NAALADL2: variants seen among roughly 807,000 people sequenced by gnomAD.
NAALADL2 encodes N-acetylated alpha-linked acidic dipeptidase like 2.
In NAALADL2, 76 loss-of-function variants were observed where a neutral mutation model predicts 87.2. That is an observed-to-expected ratio of 0.87 (90% confidence interval 0.72 to 1.05). The LOEUF is 1.05. Among genes scored for constraint, NAALADL2 ranks in the 50% least tolerant of loss-of-function variants. The pLI is 0.00. For missense variants in NAALADL2, 1,089 were observed against 945.8 expected, an observed-to-expected ratio of 1.15 and a Z score of -1.99; for synonymous variants, 354 against 331.0, an observed-to-expected ratio of 1.07 and a Z score of -0.75.
rs1357387495 is a variant in NAALADL2 at position 175,730,431 on chromosome 3, T to G, written c.1897-6875T>G. Among the ~76,000 whole-genome samples, 13 of 85,624 alleles carry G rather than the reference T, an allele frequency of 1.5e-4. No homozygotes were observed. The South Asian group carries it at 2.8e-3, about 19-fold the overall frequency. 56.2% of individuals were successfully genotyped at this position (85,624 alleles called of 152,430 possible). A position where few individuals can be genotyped will look rare whatever the true frequency, so the allele number is the denominator to read the frequency against. On this transcript the variant is annotated intron_variant, in intron 11 of 13. Transcript: ENST00000454872. ...ATATATATATATATATATATATATA[T>G]ATATATATATATACACACATACACA...
At chr3:174,653,076 A>G (rs951884588) in intron 2 of NAALADL2, among the ~76,000 whole-genome samples, 2 of 152,218 alleles carry the variant, frequency 1.3e-5, no homozygotes, top group Admixed American at 6.5e-5. Flanking sequence ...ATGTGGACCA[A>G]CTAGAACTCT....
chr3:175,090,180 G>A (rs189534131), intron 1 of NAALADL2, among the ~76,000 whole-genome samples: 1 of 152,104 alleles, frequency 6.6e-6, no homozygotes, highest in East Asian at 1.9e-4. Flanking sequence ...CCCATGGCAG[G>A]AACAGGAATT....
intron 1 of NAALADL2, among the ~76,000 whole-genome samples, chr3:174,996,504 A>AG (rs943620633): frequency 6.6e-5 from 10 of 151,884 alleles, no homozygotes; most frequent in African/African-American, 2.2e-4. Context: ...CTCAAAAAAA[A>AG]AAAAAAAGTA....
At chr3:175,057,754 G>T (rs937695092) in intron 1 of NAALADL2, among the ~76,000 whole-genome samples, 8 of 152,300 alleles carry the variant, frequency 5.3e-5, no homozygotes, top group Non-Finnish European at 8.8e-5. Flanking sequence ...AATCCAGATC[G>T]TTGGCTGTTA....
intron 1 of NAALADL2, among the ~76,000 whole-genome samples, chr3:174,468,054 T>C (rs768936023): frequency 9.9e-5 from 15 of 152,214 alleles, no homozygotes; most frequent in Non-Finnish European, 2.1e-4. Context: ...GCAAAAGCTG[T>C]CTTCTACAGT....
chr3:174,992,816 C>T (rs1358007494), intron 1 of NAALADL2, among the ~76,000 whole-genome samples: 5 of 152,002 alleles, frequency 3.3e-5, no homozygotes, highest in East Asian at 3.9e-4. Context: ...TCTAGTCATC[C>T]GTGCATCTAA....
At chr3:174,715,456 G>A (rs1731091060) in intron 2 of NAALADL2, among the ~76,000 whole-genome samples, 1 of 152,116 alleles carries the variant, frequency 6.6e-6, no homozygotes, top group Admixed American at 6.6e-5. Context: ...ACTGGTGGTA[G>A]ACTCACATAT....
chr3:175,673,562 A>G (rs1170628520), intron 11 of NAALADL2, among the ~76,000 whole-genome samples: 1 of 77,436 alleles, frequency 1.3e-5, no homozygotes, highest in Middle Eastern at 6.8e-3. Flanking sequence ...AAATTTGACA[A>G]AAATCACTAA....
chr3:175,531,990 C>T (rs1734148668), intron 9 of NAALADL2, among the ~76,000 whole-genome samples: 1 of 152,162 alleles, frequency 6.6e-6, no homozygotes, highest in Non-Finnish European at 1.5e-5. Context: ...TAAATAGAGG[C>T]AGCTCTAAAG....
chr3:175,671,071 G>A (rs1733943075), intron 11 of NAALADL2, among the ~76,000 whole-genome samples: 1 of 151,652 alleles, frequency 6.6e-6, no homozygotes, highest in African/African-American at 2.4e-5. Context: ...CGTTTTAAAT[G>A]TGTCTCTCAA....
intron 3 of NAALADL2, among the ~76,000 whole-genome samples, chr3:174,819,359 G>A (rs768210861): frequency 4.0e-5 from 6 of 149,318 alleles, no homozygotes; most frequent in East Asian, 2.0e-4. Context: ...GCCATTGTGC[G>A]TGGCTAATAT....
rs149764022 is a variant in NAALADL2 at position 174,964,266 on chromosome 3, C to A, written c.43+104816C>A. Among the ~76,000 whole-genome samples, 437 of 152,014 alleles carry A rather than the reference C, an allele frequency of 2.9e-3. 3 individuals carry two copies. The highest frequency in any genetic ancestry group is 0.01 in the African/African-American group (417 of 41,466). On this transcript the variant is annotated intron_variant, in intron 1 of 13. Transcript: ENST00000454872. ...ATTCATAGAGCTTACATTTTAGTGG[C>A]AGGAGTGATAAAATTAAAGTATACA...
chr3:175,166,714 C>T (rs187504644), intron 2 of NAALADL2, among the ~76,000 whole-genome samples: 2 of 152,016 alleles, frequency 1.3e-5, no homozygotes, highest in South Asian at 2.1e-4. Flanking sequence ...GCTGATTACA[C>T]CTATATTTAT....
chr3:175,210,090 G>A (rs1374457267), intron 2 of NAALADL2, among the ~76,000 whole-genome samples: 2 of 151,708 alleles, frequency 1.3e-5, no homozygotes, highest in African/African-American at 4.8e-5. Context: ...TATATGTAAT[G>A]TAAAGACAGC....
intron 11 of NAALADL2, among the ~76,000 whole-genome samples, chr3:175,690,494 A>T (rs1200421259): frequency 6.6e-6 from 1 of 152,102 alleles, no homozygotes; most frequent in Admixed American, 6.6e-5. Context: ...GTTTTGTTTC[A>T]TCTCAGTCAT....
chr3:174,521,941 T>A, intron 1 of NAALADL2, among the ~76,000 whole-genome samples: 1 of 151,908 alleles, frequency 6.6e-6, no homozygotes, highest in South Asian at 2.1e-4. Flanking sequence ...TAAAATTATA[T>A]TAAAAAAAAT....
chr3:175,163,576 G>A (rs563535305), intron 2 of NAALADL2, among the ~76,000 whole-genome samples: 1 of 152,108 alleles, frequency 6.6e-6, no homozygotes, highest in East Asian at 1.9e-4. Flanking sequence ...GTTGAGAGTA[G>A]GGGAGATGCT....
chr3:175,379,784 G>A (rs1767575250), intron 5 of NAALADL2, among the ~76,000 whole-genome samples: 3 of 152,132 alleles, frequency 2.0e-5, no homozygotes, highest in African/African-American at 7.2e-5. Context: ...TATTATCAAG[G>A]CTGTGATCCA....
chr3:174,623,878 A>G (rs536423514), intron 2 of NAALADL2, among the ~76,000 whole-genome samples: 287 of 152,292 alleles, frequency 1.9e-3, no homozygotes, highest in Non-Finnish European at 3.2e-3. Context: ...GAGCCAATTT[A>G]CTTTATATAA....
Sources: allele counts gnomAD v4.1 joint callset (sites outside exome capture counted in the v4.1 genomes callset), GRCh38; gene constraint gnomAD v4.1.1; transcripts MANE v1.5; gene names NCBI Gene and HGNC (gene_info 2026-07-23, HGNC 2026-07-21).